Variants in C3orf49 observed in about 807,000 individuals in gnomAD.
The protein encoded by C3orf49 is chromosome 3 open reading frame 49, also known as putative uncharacterized protein C3orf49.
In C3orf49, 27 loss-of-function variants were observed where a neutral mutation model predicts 13.3. The observed-to-expected ratio is 2.02, with a 90% CI of 1.49 to 2.79. C3orf49 has a LOEUF of 2.79. Ranked by LOEUF, C3orf49 falls within the 30% of genes most tolerant of loss-of-function variation. C3orf49 has a pLI of 0.00. For synonymous variants in C3orf49, 87 were observed against 47.6 expected (o/e 1.83, Z -3.40); for missense variants, 242 against 134.2 (o/e 1.80, Z -3.97).
chr3:63,802,134 C>T, the C3orf49 span, among the ~76,000 whole-genome samples: 2 of 152,092 alleles, frequency 1.3e-5, no homozygotes, highest in Non-Finnish European at 2.9e-5. Flanking sequence ...AATGACAGGT[C>T]GCAATTTGAA....
Position 63,827,603 on chromosome 3 carries a change from A to T in C3orf49, c.448A>T (p.Thr150Ser). The T allele has an allele frequency of 1.4e-6, 1 of 702,316 alleles. No homozygotes were observed. The highest frequency in any genetic ancestry group is 2.6e-6 in the Non-Finnish European group (1 of 384,624). The allele number at this position is 702,316 out of a possible 1,614,324, so 43.5% of individuals were successfully genotyped here. A position where few individuals can be genotyped will look rare whatever the true frequency, so the allele number is the denominator to read the frequency against. ...AKMRKLSENATIQLDVVEAET... is the reference protein window; with the variant it reads ...AKMRKLSENASIQLDVVEAET... ...TCCTTTTTCCCCCTTTCTTGAAGCG[A>T]CTATACAACTTGATGTTGTAGAGGC... The change falls in exon 3 of 7, where the codon ACT (threonine) becomes TCT (serine). Residue 150 changes from threonine to serine, a missense_variant and splice_region_variant. Thr to Ser is a moderately conservative substitution (Grantham distance 58). Coordinates refer to ENST00000295896, the MANE Select transcript of C3orf49 (RefSeq NM_001355236.2).
intron 6 of C3orf49, 128 bp downstream of exon 6, chr3:63,845,210 T>C (rs552427302): frequency 4.2e-6 from 2 of 475,852 alleles, no homozygotes; most frequent in African/African-American, 3.8e-5. Context: ...TCTTTGGCTT[T>C]GGGGGTATCA....
At chr3:63,802,768 A>C in the C3orf49 span, among the ~76,000 whole-genome samples, 1 of 152,118 alleles carries the variant, frequency 6.6e-6, no homozygotes, top group African/African-American at 2.4e-5. Context: ...AAGTCCAATA[A>C]ATTACCCAAG....
the C3orf49 span, among the ~76,000 whole-genome samples, chr3:63,798,123 C>T: frequency 1.3e-5 from 2 of 152,256 alleles, no homozygotes; most frequent in East Asian, 1.9e-4. Context: ...TTTGATTAAA[C>T]ACACATCTCT....
the C3orf49 span, among the ~76,000 whole-genome samples, chr3:63,814,117 C>T: frequency 3.3e-5 from 5 of 152,272 alleles, no homozygotes; most frequent in Admixed American, 2.0e-4. Flanking sequence ...CAGGAGCCAA[C>T]TGAATGCTTG....
intron 2 of C3orf49, among the ~76,000 whole-genome samples, chr3:63,824,730 G>A (rs1197614491): frequency 6.6e-6 from 1 of 151,730 alleles, no homozygotes; most frequent in African/African-American, 2.4e-5. Context: ...GTCCCTACTA[G>A]GGAAGCTGAA....
the C3orf49 span, among the ~76,000 whole-genome samples, chr3:63,803,384 G>T: frequency 1.3e-5 from 2 of 152,202 alleles, no homozygotes; most frequent in South Asian, 4.1e-4. Flanking sequence ...ATGTGGGGTT[G>T]AGAAATCCTC....
At chr3:63,807,857 C>CAAAAAAAAAAAAAAAAAAAAA in the C3orf49 span, among the ~76,000 whole-genome samples, 1 of 32,244 alleles carries the variant, frequency 3.1e-5, no homozygotes, top group African/African-American at 8.6e-5. Context: ...AACTTCATCT[C>CAAAAAAAAAAAAAAAAAAAAA]AAAAAAAAAA....
the C3orf49 span, among the ~76,000 whole-genome samples, chr3:63,803,727 A>G: frequency 6.6e-6 from 1 of 152,090 alleles, no homozygotes; most frequent in Non-Finnish European, 1.5e-5. Context: ...GCAGTCCCCA[A>G]CCTTTTTGGC....
chr3:63,802,427 C>A, the C3orf49 span, among the ~76,000 whole-genome samples: 2 of 152,186 alleles, frequency 1.3e-5, no homozygotes, highest in Non-Finnish European at 2.9e-5. Flanking sequence ...CATCCTTGTA[C>A]TGCAATGTTG....
chr3:63,831,029 G>A (rs1459420812), intron 3 of C3orf49, 81 bp from the exon 4 acceptor site: 63 of 658,060 alleles, frequency 9.6e-5, no homozygotes, highest in Non-Finnish European at 5.4e-6. Context: ...ATGTCCTAAG[G>A]GTGAGAACTC....
the C3orf49 span, among the ~76,000 whole-genome samples, chr3:63,802,069 G>C: frequency 2.6e-5 from 4 of 152,212 alleles, no homozygotes; most frequent in African/African-American, 9.6e-5. Flanking sequence ...AACACAGAAA[G>C]GGTAACTTGG....
At chr3:63,848,086 T>C (rs1017772991) in intron 6 of C3orf49, among the ~76,000 whole-genome samples, 6 of 152,132 alleles carry the variant, frequency 3.9e-5, no homozygotes, top group Non-Finnish European at 5.9e-5. Context: ...TTGAAATAAA[T>C]TGAAGTATTT....
chr3:63,784,239 A>G, the C3orf49 span, among the ~76,000 whole-genome samples: 1 of 152,224 alleles, frequency 6.6e-6, no homozygotes, highest in South Asian at 2.1e-4. Context: ...ACTTATCAAG[A>G]AAAAGTTAGT....
the C3orf49 span, among the ~76,000 whole-genome samples, chr3:63,788,998 A>G: frequency 6.6e-6 from 1 of 152,146 alleles, no homozygotes; most frequent in South Asian, 2.1e-4. Context: ...AATATTGGCT[A>G]ATCACTGATC....
chr3:63,801,663 T>C, the C3orf49 span, among the ~76,000 whole-genome samples: 2 of 152,228 alleles, frequency 1.3e-5, no homozygotes, highest in African/African-American at 4.8e-5. Flanking sequence ...CAGTGCCTGG[T>C]ACATAGTTAG....
chr3:63,812,266 A>G, the C3orf49 span, among the ~76,000 whole-genome samples: 3 of 152,230 alleles, frequency 2.0e-5, no homozygotes, highest in Non-Finnish European at 2.9e-5. Flanking sequence ...ACTAACAAAA[A>G]TGATGGCTGA....
At chr3:63,812,240 A>G in the C3orf49 span, among the ~76,000 whole-genome samples, 3 of 152,238 alleles carry the variant, frequency 2.0e-5, no homozygotes, top group Admixed American at 1.3e-4. Flanking sequence ...ATTGTCTTGG[A>G]CCACACATAA....
the C3orf49 span, among the ~76,000 whole-genome samples, chr3:63,793,542 C>T: frequency 4.6e-5 from 7 of 151,942 alleles, no homozygotes; most frequent in Admixed American, 1.3e-4. Flanking sequence ...CCCACAACCC[C>T]CTCCCTCTCC....
Sources: gnomAD v4.1 joint callset for allele counts (sites outside exome capture counted in the v4.1 genomes callset) on GRCh38, gnomAD v4.1.1 for gene constraint, MANE v1.5 for transcripts, NCBI Gene and HGNC (gene_info 2026-07-23, HGNC 2026-07-21) for gene names.